SLC8A3: variants seen among roughly 807,000 people sequenced by gnomAD.
SLC8A3 encodes sodium/calcium exchanger 3.
In SLC8A3, 37 loss-of-function variants were observed where a neutral mutation model predicts 65.4. The observed-to-expected ratio is 0.57, with a 90% CI of 0.44 to 0.74. SLC8A3 has a LOEUF of 0.74. SLC8A3 is among the 30% of genes least tolerant of loss of function. The probability of loss-of-function intolerance (pLI) is 0.00; values close to 1 mark genes in which losing one functional copy is unlikely to be tolerated. For missense variants in SLC8A3, 1,112 were observed against 1,172.1 expected (o/e 0.95, Z 0.75); for synonymous variants, 461 against 444.5 (o/e 1.04, Z -0.47).
rs1491026870 is a variant in SLC8A3, at chr14:70,152,507, AAC to A, written c.1784+14130_1784+14131del. 1.2e-4 allele frequency among the ~76,000 whole-genome samples: 13 copies of A among 110,444 alleles called. No homozygotes were observed. In the South Asian group the frequency reaches 1.5e-3, roughly 13 times the overall value. 72.5% of individuals were successfully genotyped at this position (110,444 alleles called of 152,430 possible). A position where few individuals can be genotyped will look rare whatever the true frequency, so the allele number is the denominator to read the frequency against. On this transcript the variant is annotated intron_variant, in intron 2 of 6. Coordinates refer to ENST00000356921, the MANE Select transcript of SLC8A3 (RefSeq NM_182932.3). ...AACAGGCAAACAACAACAACAACAA[AAC>A]AACAACAACAAGTTCAGTCTTTTTT...
chr14:70,064,778 G>T (rs1304058270), intron 2 of SLC8A3, among the ~76,000 whole-genome samples: 2 of 152,168 alleles, frequency 1.3e-5, no homozygotes, highest in Admixed American at 6.5e-5. Context: ...GTTAAAAGGT[G>T]TTAGTTTGTT....
chr14:70,187,199 GC>G (rs909866577), intron 1 of SLC8A3: 2 of 152,846 alleles, frequency 1.3e-5, no homozygotes, highest in Non-Finnish European at 2.9e-5. Context: ...TAATTCTTCT[GC>G]CCGGGAGACC....
At chr14:70,165,357 C>G (rs533533424) in intron 2 of SLC8A3, among the ~76,000 whole-genome samples, 140 of 152,184 alleles carry the variant, frequency 9.2e-4, no homozygotes, top group Non-Finnish European at 1.0e-3. Flanking sequence ...TAGGACACCT[C>G]TCCCTAGCTT....
chr14:70,058,967 G>A (rs1456944836), intron 3 of SLC8A3: 2 of 152,256 alleles, frequency 1.3e-5, no homozygotes, highest in African/African-American at 4.8e-5. Flanking sequence ...AGGTAGGGCA[G>A]GTGCTGAGGC....
chr14:70,153,864 A>G (rs1896421763), intron 2 of SLC8A3, among the ~76,000 whole-genome samples: 1 of 152,164 alleles, frequency 6.6e-6, no homozygotes, highest in African/African-American at 2.4e-5. Context: ...ATGGCATCAA[A>G]GGAGGTCCCC....
At chr14:70,139,271 C>G (rs924528340) in intron 2 of SLC8A3, among the ~76,000 whole-genome samples, 15 of 152,098 alleles carry the variant, frequency 9.9e-5, no homozygotes, top group African/African-American at 3.6e-4. Context: ...GAGAAGTGCC[C>G]CCTCTTACCC....
chr14:70,046,172 C>G lies in SLC8A3; in HGVS notation c.2541G>C (p.Glu847Asp), dbSNP rs36097312. 9.5e-4 allele frequency: 1,528 copies of G among 1,614,226 alleles called. 17 individuals carry two copies. The African/African-American group carries it at 0.018, about 19-fold the overall frequency. Residue 847 changes from glutamate to aspartate, a missense_variant, in exon 7 of 7, where the codon GAG becomes GAC. Coordinates refer to ENST00000356921, the MANE Select transcript of SLC8A3 (RefSeq NM_182932.3). This position sits in a 1 kb window ranked among gnomAD's most constrained non-coding sequence, Gnocchi z 4.2. ...AAIYWALQGQ[E>D]FHVSAGTLAF... ...CCAGTGTGCCGGCCGACACGTGGAA[C>G]TCCTGTCCCTGCAGAGCCCAGTAGA... is the stretch of plus-strand genomic sequence containing the variant.
intron 2 of SLC8A3, among the ~76,000 whole-genome samples, chr14:70,062,229 G>A (rs376343936): frequency 4.6e-5 from 7 of 152,110 alleles, no homozygotes; most frequent in South Asian, 2.1e-4. Context: ...TTCTGTGGGC[G>A]TGCTCGGCTT....
At chr14:70,176,433 G>C (rs2332269) in intron 1 of SLC8A3, among the ~76,000 whole-genome samples, 4,301 of 152,282 alleles carry the variant, frequency 0.028, 201 homozygotes, top group African/African-American at 0.098. Context: ...CTCTCTGGGA[G>C]AGGAGCCTAA....
intron 2 of SLC8A3, among the ~76,000 whole-genome samples, chr14:70,082,467 A>C (rs1404538179): frequency 6.6e-6 from 1 of 152,186 alleles, no homozygotes; most frequent in Admixed American, 6.5e-5. Flanking sequence ...ATCAACAATA[A>C]CAACAACAAC....
chr14:70,160,877 C>CAAAA (rs3053363), intron 2 of SLC8A3, among the ~76,000 whole-genome samples: 5 of 133,718 alleles, frequency 3.7e-5, no homozygotes, highest in Non-Finnish European at 6.4e-5. Flanking sequence ...AGAAAAGAGA[C>CAAAA]AAAAAAAAAA....
intron 2 of SLC8A3, among the ~76,000 whole-genome samples, chr14:70,066,434 T>G (rs1309981076): frequency 6.6e-6 from 1 of 152,206 alleles, no homozygotes; most frequent in African/African-American, 2.4e-5. Context: ...CCCTCATTCT[T>G]TCCTCACTCT....
intron 2 of SLC8A3, among the ~76,000 whole-genome samples, chr14:70,152,854 G>A (rs1368258467): frequency 6.6e-6 from 1 of 152,232 alleles, no homozygotes; most frequent in Non-Finnish European, 1.5e-5. Context: ...TAGAGTGGCA[G>A]GGGGCTGTCA....
intron 2 of SLC8A3, among the ~76,000 whole-genome samples, chr14:70,096,986 T>C (rs1365353303): frequency 6.6e-6 from 1 of 152,160 alleles, no homozygotes; most frequent in Non-Finnish European, 1.5e-5. Context: ...CTCGTAGCCA[T>C]CCTTCTGTGA....
intron 2 of SLC8A3, among the ~76,000 whole-genome samples, chr14:70,075,317 A>G (rs1432932620): frequency 1.3e-5 from 2 of 152,080 alleles, no homozygotes; most frequent in East Asian, 3.9e-4. Context: ...CTCTCTCACC[A>G]GAGGAACTAT....
At chr14:70,134,814 C>T (rs1895079858) in intron 2 of SLC8A3, among the ~76,000 whole-genome samples, 1 of 152,182 alleles carries the variant, frequency 6.6e-6, no homozygotes, top group Non-Finnish European at 1.5e-5. Context: ...AGTTCCCTAC[C>T]ATGGTGTCAT....
At chr14:70,138,257 T>G (rs895694871) in intron 2 of SLC8A3, among the ~76,000 whole-genome samples, 1 of 152,130 alleles carries the variant, frequency 6.6e-6, no homozygotes, top group Non-Finnish European at 1.5e-5. Flanking sequence ...AAAGGGACTT[T>G]CGATAACTAG....
chr14:70,138,056 T>C (rs1895327004), intron 2 of SLC8A3, among the ~76,000 whole-genome samples: 1 of 152,188 alleles, frequency 6.6e-6, no homozygotes, highest in Non-Finnish European at 1.5e-5. Flanking sequence ...CCCTGAGATC[T>C]TGTTTTCAGG....
chr14:70,125,569 A>C (rs545758778), intron 2 of SLC8A3, among the ~76,000 whole-genome samples: 1 of 152,210 alleles, frequency 6.6e-6, no homozygotes, highest in South Asian at 2.1e-4. Context: ...TTCTTTATCC[A>C]GTCATCCATG....
Sources: allele counts gnomAD v4.1 joint callset (sites outside exome capture counted in the v4.1 genomes callset), GRCh38; gene constraint gnomAD v4.1.1; non-coding constraint Gnocchi (gnomAD v3.1); transcripts MANE v1.5; gene names NCBI Gene and HGNC (gene_info 2026-07-23, HGNC 2026-07-21).